Variants in DPP10 observed in about 807,000 individuals in gnomAD.
DPP10 encodes inactive dipeptidyl peptidase 10.
DPP10 carries 33 observed loss-of-function variants against 120.9 expected under a neutral mutation model. The ratio of observed to expected loss-of-function variants is 0.27; its 90% CI spans 0.21 to 0.37. DPP10 has a LOEUF of 0.37. Ranked by LOEUF, DPP10 falls within the 10% of genes least tolerant of loss-of-function variation. The pLI is 1.00. For synonymous variants in DPP10, 337 were observed against 326.1 expected (o/e 1.03, Z -0.36); for missense variants, 816 against 942.8 (o/e 0.87, Z 1.76).
chr2:114,940,760 G>A (rs1696837032), intron 1 of DPP10, among the ~76,000 whole-genome samples: 1 of 152,072 alleles, frequency 6.6e-6, no homozygotes, highest in Non-Finnish European at 1.5e-5. Context: ...TGCCGAGAAA[G>A]CAAAGCCATT....
chr2:115,210,057 C>T (rs2056403792), intron 1 of DPP10, among the ~76,000 whole-genome samples: 1 of 151,946 alleles, frequency 6.6e-6, no homozygotes, highest in African/African-American at 2.4e-5. Context: ...TTCTAGGGTA[C>T]ATGTACACAA....
At chr2:115,711,718 TG>T (rs1255927504) in intron 7 of DPP10, among the ~76,000 whole-genome samples, 8 of 152,146 alleles carry the variant, frequency 5.3e-5, no homozygotes, top group Non-Finnish European at 1.0e-4. Context: ...AAGATGAGTT[TG>T]TTCTTACTGC....
chr2:115,264,770 C>A (rs1255710463), intron 1 of DPP10, among the ~76,000 whole-genome samples: 1 of 152,108 alleles, frequency 6.6e-6, no homozygotes, highest in African/African-American at 2.4e-5. Context: ...TGTTTCAGTT[C>A]TGTAAGCTCT....
At position 115,478,629 on chromosome 2, in the gene DPP10, G is replaced by A. The variant is rs550236844; in HGVS notation, c.272-20881G>A. Among the ~76,000 whole-genome samples, 18 of 152,184 alleles carry A rather than the reference G, an allele frequency of 1.2e-4. No homozygotes were observed. The South Asian group carries it at 3.7e-3, about 32-fold the overall frequency. On this transcript the variant is annotated intron_variant, in intron 3 of 25. Coordinates refer to ENST00000410059, the MANE Select transcript of DPP10 (RefSeq NM_020868.6). ...AGCCATAAGGTAATCCATAGATTGG[G>A]AAGAAATATTTGCAAGTCATATCTA...
intron 1 of DPP10, among the ~76,000 whole-genome samples, chr2:114,664,206 A>G (rs1341951395): frequency 6.6e-6 from 1 of 152,018 alleles, no homozygotes; most frequent in African/African-American, 2.4e-5. Context: ...AAAACATTAC[A>G]GTTAAATTCT....
chr2:115,624,236 T>G (rs1157287620), intron 5 of DPP10, among the ~76,000 whole-genome samples: 1 of 152,022 alleles, frequency 6.6e-6, no homozygotes, highest in African/African-American at 2.4e-5. Context: ...TTAAATTGAC[T>G]TCTATAAATT....
chr2:115,056,717 C>T (rs1409787881), intron 1 of DPP10, among the ~76,000 whole-genome samples: 1 of 152,142 alleles, frequency 6.6e-6, no homozygotes, highest in Non-Finnish European at 1.5e-5. Context: ...CACATCCTCT[C>T]TCTCCAAATG....
chr2:115,416,190 G>T (rs2069413419), intron 3 of DPP10, among the ~76,000 whole-genome samples: 1 of 152,040 alleles, frequency 6.6e-6, no homozygotes, highest in African/African-American at 2.4e-5. Flanking sequence ...TGGCTGTCAA[G>T]CAGACATTTT....
intron 1 of DPP10, among the ~76,000 whole-genome samples, chr2:114,940,628 A>G (rs376169625): frequency 3.3e-5 from 5 of 152,114 alleles, no homozygotes; most frequent in African/African-American, 1.2e-4. Context: ...TACACAGCAT[A>G]GCAAACCCCA....
intron 1 of DPP10, among the ~76,000 whole-genome samples, chr2:114,640,332 T>A (rs1039553954): frequency 6.6e-6 from 1 of 151,974 alleles, no homozygotes; most frequent in Non-Finnish European, 1.5e-5. Flanking sequence ...GCTGTTGTAA[T>A]CTTAGAATCA....
chr2:114,473,483 ATT>A (rs1680108792), intron 1 of DPP10, among the ~76,000 whole-genome samples: 3 of 152,202 alleles, frequency 2.0e-5, no homozygotes, highest in Admixed American at 2.0e-4. Flanking sequence ...TAAAGATTTA[ATT>A]TTTTGAAGAT....
intron 21 of DPP10, among the ~76,000 whole-genome samples, chr2:115,823,886 A>G (rs1688050260): frequency 6.6e-6 from 1 of 152,188 alleles, no homozygotes; most frequent in Non-Finnish European, 1.5e-5. Flanking sequence ...CATTTGAGAT[A>G]TTTCCTCAAG....
At chr2:115,207,497 T>G (rs2056227008) in intron 1 of DPP10, among the ~76,000 whole-genome samples, 1 of 149,088 alleles carries the variant, frequency 6.7e-6, no homozygotes. Context: ...AATGTTTGAG[T>G]GCCTATTGTG....
chr2:114,475,714 C>T (rs755049799), intron 1 of DPP10, among the ~76,000 whole-genome samples: 21 of 152,154 alleles, frequency 1.4e-4, no homozygotes, highest in Non-Finnish European at 2.8e-4. Flanking sequence ...TTTTATACAT[C>T]GTCCGTCTGA....
chr2:114,652,900 G>C (rs1031273050), intron 1 of DPP10, among the ~76,000 whole-genome samples: 7 of 151,866 alleles, frequency 4.6e-5, no homozygotes, highest in Admixed American at 4.6e-4. Context: ...GAACAGGAAA[G>C]TGCAGTTAGA....
At chr2:114,903,773 T>TTG (rs1693771320) in intron 1 of DPP10, among the ~76,000 whole-genome samples, 1 of 152,130 alleles carries the variant, frequency 6.6e-6, no homozygotes, top group Admixed American at 6.6e-5. Flanking sequence ...CAGATAGGAT[T>TTG]TGTAGCCTTA....
intron 1 of DPP10, among the ~76,000 whole-genome samples, chr2:115,145,899 T>G (rs568285831): frequency 6.6e-6 from 1 of 152,262 alleles, no homozygotes; most frequent in South Asian, 2.1e-4. Context: ...CCTAATGACA[T>G]ATACTATTGA....
At chr2:114,514,600 C>CA (rs1017129457) in intron 1 of DPP10, among the ~76,000 whole-genome samples, 14 of 152,104 alleles carry the variant, frequency 9.2e-5, no homozygotes, top group Admixed American at 2.6e-4. Flanking sequence ...CAGGCTGTTT[C>CA]AATACCAAAG....
At position 114,854,141 on chromosome 2, in the gene DPP10, C is replaced by G. The variant is rs151303203; in HGVS notation, c.60+411303C>G. On this transcript the variant is annotated intron_variant, in intron 1 of 25. Coordinates refer to ENST00000410059, the MANE Select transcript of DPP10 (RefSeq NM_020868.6). ...AGGTTAAGTCACTTGGGTGGGATCA[C>G]ACATAGAGTCATACTTGAGATTAGA... Among the ~76,000 whole-genome samples, 513 of 152,292 alleles carry G rather than the reference C, an allele frequency of 3.4e-3. 2 individuals carry two copies. The highest frequency in any genetic ancestry group is 0.012 in the African/African-American group (480 of 41,556).
Sources: allele counts gnomAD v4.1 joint callset (sites outside exome capture counted in the v4.1 genomes callset), GRCh38; gene constraint gnomAD v4.1.1; transcripts MANE v1.5; gene names NCBI Gene and HGNC (gene_info 2026-07-23, HGNC 2026-07-21).